GALNT14: variants seen among roughly 807,000 people sequenced by gnomAD.
GALNT14 encodes polypeptide N-acetylgalactosaminyltransferase 14.
A neutral mutation model predicts 77.5 loss-of-function variants in GALNT14; 60 were observed. That is an observed-to-expected ratio of 0.77 (90% confidence interval 0.63 to 0.96). The LOEUF (loss-of-function observed/expected upper bound fraction) is 0.96, where lower values mean the gene tolerates loss of function less well. GALNT14 is among the 40% of genes least tolerant of loss of function. GALNT14 has a pLI of 0.00. For synonymous variants in GALNT14, 280 were observed against 281.7 expected (o/e 0.99, Z 0.06); for missense variants, 710 against 731.0 (o/e 0.97, Z 0.33).
At chr2:31,049,121 A>G (rs2148515282) in intron 1 of GALNT14, among the ~76,000 whole-genome samples, 1 of 151,788 alleles carries the variant, frequency 6.6e-6, no homozygotes, top group East Asian at 1.9e-4. Flanking sequence ...CTACAGCCTA[A>G]CACCTTGACC....
intron 1 of GALNT14, among the ~76,000 whole-genome samples, chr2:31,012,657 T>C (rs1185147403): frequency 6.6e-6 from 1 of 152,076 alleles, no homozygotes; most frequent in Non-Finnish European, 1.5e-5. Context: ...AATCAGGGTG[T>C]GTAGGTCAAG....
At chr2:30,961,868 T>G (rs912059568) in intron 3 of GALNT14, among the ~76,000 whole-genome samples, 1 of 152,098 alleles carries the variant, frequency 6.6e-6, no homozygotes, top group African/African-American at 2.4e-5. Context: ...TTTTTTGTTT[T>G]TTTTAGTAGA....
intron 1 of GALNT14, among the ~76,000 whole-genome samples, chr2:31,005,799 G>C (rs1248070266): frequency 6.6e-6 from 1 of 152,198 alleles, no homozygotes; most frequent in Non-Finnish European, 1.5e-5. Context: ...ACACGAGTTT[G>C]AGCACAGTGC....
Position 30,924,256 on chromosome 2 carries a change from T to C in GALNT14, c.1243A>G (p.Lys415Glu). 6.2e-7 allele frequency: 1 copy of C among 1,614,046 alleles called. No homozygotes were observed. Among genetic ancestry groups the C allele is most frequent in the Non-Finnish European group, 8.5e-7 (1 of 1,179,954 alleles). The change falls in exon 13 of 15, where the codon AAG (lysine) becomes GAG (glutamate). Residue 415 changes from lysine to glutamate, a missense_variant. Lys to Glu is a moderately conservative substitution (Grantham distance 56, BLOSUM62 1). Coordinates refer to ENST00000349752, the MANE Select transcript of GALNT14 (RefSeq NM_024572.4). ...TTGCCCTTCTGGATGGAGGACTCCT[T>C]GGGGATGCTGGAGGAGAGTCACAGG... ...ENIYPELSIP[K>E]ESSIQKGNIR...
chr2:31,129,132 G>A (rs2148648968), intron 1 of GALNT14: 1 of 152,984 alleles, frequency 6.5e-6, no homozygotes, highest in East Asian at 1.9e-4. Context: ...GTTGAGCGTG[G>A]CTCTAACAGA....
chr2:30,973,051 C>T (rs12624048), intron 2 of GALNT14, among the ~76,000 whole-genome samples: 3,540 of 152,274 alleles, frequency 0.023, 142 homozygotes, highest in East Asian at 0.21. Context: ...ATTGCAGAGG[C>T]CAGAGCCACA....
At chr2:30,954,473 G>C (rs1050929578) in intron 6 of GALNT14, among the ~76,000 whole-genome samples, 3 of 152,184 alleles carry the variant, frequency 2.0e-5, no homozygotes, top group South Asian at 2.1e-4. Flanking sequence ...CGATTCTAGA[G>C]AGGAGATTTT....
At chr2:31,100,033 T>C (rs1380940637) in intron 1 of GALNT14, among the ~76,000 whole-genome samples, 1 of 152,058 alleles carries the variant, frequency 6.6e-6, no homozygotes, top group Non-Finnish European at 1.5e-5. Context: ...TCCTTTTATA[T>C]ACTTTAGTAG....
rs1441107614 is a variant in GALNT14 at position 30,958,413 on chromosome 2, A to G, written c.450T>C (p.Asp150=). The G allele has an allele frequency of 1.9e-6, 3 of 1,614,074 alleles. No individual in the cohort carries two copies. Among genetic ancestry groups the G allele is most frequent in the Non-Finnish European group, 8.5e-7 (1 of 1,179,920 alleles). Reference sequence around the variant, plus strand: ...ATGACTTACGGTCATTGCTGAAGTCATCCACTAATATGATTTCCCGGATCA... The same window carrying G: ...ATGACTTACGGTCATTGCTGAAGTCGTCCACTAATATGATTTCCCGGATCA... The part of the protein sequence containing the change: ...THLIREIILV[D]DFSNDPDDCK... The change falls in exon 4 of 15, where the codon GAT becomes GAC. Residue 150 remains aspartate, a synonymous_variant. Coordinates refer to ENST00000349752, the MANE Select transcript of GALNT14 (RefSeq NM_024572.4).
At chr2:30,912,388 C>A in intron 13 of GALNT14, 46 bp from the exon 14 acceptor site, 1 of 1,606,802 alleles carries the variant, frequency 6.2e-7, no homozygotes, top group Non-Finnish European at 8.5e-7. Flanking sequence ...TCCAGGAAGC[C>A]ACCACTCGTG....
chr2:30,963,785 C>G (rs1199037523), intron 3 of GALNT14, among the ~76,000 whole-genome samples: 1 of 152,202 alleles, frequency 6.6e-6, no homozygotes, highest in Non-Finnish European at 1.5e-5. Flanking sequence ...GTGTGGTACC[C>G]TTTTAAGTAT....
chr2:30,951,816 C>T (rs1667045627), intron 6 of GALNT14, among the ~76,000 whole-genome samples: 1 of 152,172 alleles, frequency 6.6e-6, no homozygotes, highest in African/African-American at 2.4e-5. Flanking sequence ...TGAGTCTTTA[C>T]CATGACCTCA....
chr2:31,030,641 A>C (rs1672345335), intron 1 of GALNT14, among the ~76,000 whole-genome samples: 1 of 152,182 alleles, frequency 6.6e-6, no homozygotes, highest in Admixed American at 6.5e-5. Flanking sequence ...GAAGCCCGTG[A>C]GCCTTCCCAC....
At chr2:30,988,611 T>C (rs1669468298) in intron 2 of GALNT14, among the ~76,000 whole-genome samples, 1 of 152,054 alleles carries the variant, frequency 6.6e-6, no homozygotes, top group Non-Finnish European at 1.5e-5. Flanking sequence ...GGGCCTCTAC[T>C]CTCGACTCAG....
At chr2:31,053,287 G>A (rs1674005257) in intron 1 of GALNT14, among the ~76,000 whole-genome samples, 1 of 152,084 alleles carries the variant, frequency 6.6e-6, no homozygotes, top group Non-Finnish European at 1.5e-5. Flanking sequence ...TGACTCCGGG[G>A]GGCAGTCAGT....
At position 30,924,272 on chromosome 2, in the gene GALNT14, G is replaced by A; in HGVS notation, c.1236-9C>T. ...AGGACTCCTTGGGGATGCTGGAGGA[G>A]AGTCACAGGGAGAGAGGAGAGTCCA... is the stretch of plus-strand genomic sequence containing the variant. On this transcript the variant is annotated splice_polypyrimidine_tract_variant and intron_variant, in intron 12 of 14. Coordinates refer to ENST00000349752, the MANE Select transcript of GALNT14 (RefSeq NM_024572.4). 6.2e-7 allele frequency: 1 copy of A among 1,613,964 alleles called. No individual in the cohort carries two copies. Among genetic ancestry groups the A allele is most frequent in the Non-Finnish European group, 8.5e-7 (1 of 1,179,828 alleles).
chr2:30,915,748 G>A (rs1245412414), intron 13 of GALNT14, among the ~76,000 whole-genome samples: 3 of 152,190 alleles, frequency 2.0e-5, no homozygotes, highest in Non-Finnish European at 4.4e-5. Context: ...TGGAGGTCCT[G>A]TGGCAGGCCA....
At chr2:30,976,908 T>C (rs1473471764) in intron 2 of GALNT14, among the ~76,000 whole-genome samples, 1 of 152,044 alleles carries the variant, frequency 6.6e-6, no homozygotes, top group Non-Finnish European at 1.5e-5. Context: ...GGTGCTGCAA[T>C]TCCTCTTCTC....
At chr2:30,975,337 C>T (rs1046122818) in intron 2 of GALNT14, among the ~76,000 whole-genome samples, 1 of 152,216 alleles carries the variant, frequency 6.6e-6, no homozygotes, top group African/African-American at 2.4e-5. Flanking sequence ...GGCCCAGACA[C>T]CCTCTTCTCC....
Sources: gnomAD v4.1 joint callset for allele counts (sites outside exome capture counted in the v4.1 genomes callset) on GRCh38, gnomAD v4.1.1 for gene constraint, MANE v1.5 for transcripts, NCBI Gene and HGNC (gene_info 2026-07-23, HGNC 2026-07-21) for gene names.